FKBP14: variants seen among roughly 807,000 people sequenced by gnomAD.
The protein encoded by FKBP14 is FKBP prolyl isomerase 14, also known as peptidyl-prolyl cis-trans isomerase FKBP14.
In FKBP14, 20 loss-of-function variants were observed where a neutral mutation model predicts 21.6. The observed-to-expected ratio is 0.92, with a 90% confidence interval of 0.65 to 1.34. The LOEUF (loss-of-function observed/expected upper bound fraction) is 1.34. FKBP14 is among the 40% of genes most tolerant of loss of function. The pLI is 0.00. For missense variants in FKBP14, 253 were observed against 249.0 expected, an observed-to-expected ratio of 1.02 and a Z score of -0.11; for synonymous variants, 79 against 86.7, an observed-to-expected ratio of 0.91 and a Z score of 0.49.
chr7:30,026,453 CCAAT>C lies in FKBP14; in HGVS notation c.52_55del (p.Ile18GlyfsTer3), dbSNP rs775594340. The C allele has an allele frequency of 6.2e-7, 1 of 1,613,992 alleles. No individual in the cohort carries two copies. The highest frequency in any genetic ancestry group is 8.5e-7 in the Non-Finnish European group (1 of 1,179,934). ...CACTTCTGGTTCAGGGATCAAAGCC[CCAAT>C]CAAAGAAGTGACGAACAGAGTCAAG... On this transcript the variant is annotated frameshift_variant, in exon 1 of 4. Transcript: ENST00000222803. LOFTEE classifies it high-confidence loss of function.
chr7:30,011,806 G>A lies in FKBP14; in HGVS notation c.*2929C>T, dbSNP rs550759247. On this transcript the variant is annotated 3_prime_UTR_variant, in exon 4 of 4. Coordinates refer to ENST00000222803, the MANE Select transcript of FKBP14 (RefSeq NM_017946.4). ...TCTGGGCTCAAGCAATCCACCTGCT[G>A]AGGCAGCCTCCCAAAGTGCTAGGAT... 2.5e-4 allele frequency: 38 copies of A among 151,834 alleles called. No homozygotes were observed. The highest frequency in any genetic ancestry group is 8.2e-4 in the African/African-American group (34 of 41,402). 9.4% of individuals were successfully genotyped at this position (151,834 alleles called of 1,614,324 possible). A position where few individuals can be genotyped will look rare whatever the true frequency, so the allele number is the denominator to read the frequency against.
chr7:30,022,370 A>T (rs188325807), intron 2 of FKBP14: 1 of 197,844 alleles, frequency 5.1e-6, no homozygotes, highest in East Asian at 1.2e-4. Flanking sequence ...AATGGTTCAA[A>T]TGAAAAATTT....
chr7:30,008,593 T>C (rs1163383601), downstream of FKBP14, among the ~76,000 whole-genome samples: 1 of 150,498 alleles, frequency 6.6e-6, no homozygotes, highest in Non-Finnish European at 1.5e-5. Flanking sequence ...TGGTGGCATG[T>C]GTCTGTAGTC....
At chr7:30,015,476 A>G (rs1217075125) in intron 3 of FKBP14, among the ~76,000 whole-genome samples, 1 of 151,450 alleles carries the variant, frequency 6.6e-6, no homozygotes, top group Non-Finnish European at 1.5e-5. Context: ...CTCTATATAT[A>G]TATTGCTCAA....
chr7:30,019,244 A>C, intron 2 of FKBP14, 121 bp from the exon 3 acceptor site: 1 of 898,146 alleles, frequency 1.1e-6, no homozygotes, highest in Non-Finnish European at 1.6e-6. Flanking sequence ...TAAGATTGTC[A>C]TATATGATGA....
At chr7:30,017,125 C>G (rs1455020167) in intron 3 of FKBP14, among the ~76,000 whole-genome samples, 1 of 151,588 alleles carries the variant, frequency 6.6e-6, no homozygotes, top group Non-Finnish European at 1.5e-5. Flanking sequence ...ACTAATAAAA[C>G]TAAGCCGGGT....
rs1789750814 is a variant in FKBP14, at chr7:30,011,961, C to T, written c.*2774G>A. On this transcript the variant is annotated 3_prime_UTR_variant, in exon 4 of 4. Coordinates refer to ENST00000222803, the MANE Select transcript of FKBP14 (RefSeq NM_017946.4). ...GACACTTGCCATTGTGTTACAATTG[C>T]CTACATGATTCAGAACAGCAACATG... The T allele has an allele frequency of 6.6e-6, 1 of 152,132 alleles. No homozygotes were observed. Among genetic ancestry groups the T allele is most frequent in the East Asian group, 1.9e-4 (1 of 5,192 alleles). The allele number at this position is 152,132 out of a possible 1,614,324, so 9.4% of individuals were successfully genotyped here.
In FKBP14 at chr7:30,022,790, A is replaced by C. The variant is rs763688956; in HGVS notation, c.224T>G (p.Ile75Ser). 16 of 1,613,910 alleles carry C rather than the reference A, an allele frequency of 9.9e-6. No individual in the cohort carries two copies. Among genetic ancestry groups the C allele is most frequent in the Non-Finnish European group, 1.3e-5 (15 of 1,179,974 alleles). The change falls in exon 2 of 4, where the codon ATT becomes AGT. Residue 75 changes from isoleucine (I) to serine (S), a missense_variant. Coordinates refer to ENST00000222803, the MANE Select transcript of FKBP14 (RefSeq NM_017946.4). Reference sequence around the variant, plus strand: ...CTCCAGGATGCCCAGGGTAAACCAAATGGGCTGACCATTGTTATGTTTGTG... The same window carrying C: ...CTCCAGGATGCCCAGGGTAAACCAACTGGGCTGACCATTGTTATGTTTGTG... ...STHKHNNGQP[I>S]WFTLGILEAL...
At chr7:30,006,195 C>T (rs79591752), downstream of FKBP14, among the ~76,000 whole-genome samples, 1,533 of 147,964 alleles carry the variant, frequency 0.01, 30 homozygotes, top group African/African-American at 0.035. Context: ...GATCATAGCT[C>T]ACTTCAGCTT....
downstream of FKBP14, among the ~76,000 whole-genome samples, chr7:30,010,177 C>T (rs1330940939): frequency 1.3e-5 from 2 of 152,112 alleles, no homozygotes; most frequent in East Asian, 3.8e-4. Context: ...TTCGTTTAAT[C>T]AGAGGGTATT....
rs1789964659 is a variant in FKBP14 at position 30,019,097 on chromosome 7, T to C, written c.376A>G (p.Ile126Val). ...KGKIPPESTL[I>V]FNIDLLEIRN... ...ATCTCCAGGAGATCAATATTAAATA[T>C]CAGTGTACTTTCTGGGGGAATTTTA... The change falls in exon 3 of 4, where the codon ATA becomes GTA. Residue 126 changes from isoleucine (I) to valine (V), a missense_variant. By Grantham distance (29) the Ile-to-Val change is conservative. Transcript: ENST00000222803. The C allele has an allele frequency of 6.3e-7, 1 of 1,582,100 alleles. No homozygotes were observed. Among genetic ancestry groups the C allele is most frequent in the Non-Finnish European group, 8.5e-7 (1 of 1,170,552 alleles).
Position 30,014,642 on chromosome 7 carries a change from C to T in FKBP14, c.*93G>A. On this transcript the variant is annotated 3_prime_UTR_variant, in exon 4 of 4. Transcript: ENST00000222803. ...AAATATATAAAAATAAAAAACAAAG[C>T]AAGAAAGAACATTGTATAAAAATAA... 1 of 857,248 alleles carries T rather than the reference C, an allele frequency of 1.2e-6. No homozygotes were observed. 53.1% of individuals were successfully genotyped at this position (857,248 alleles called of 1,614,324 possible). A position where few individuals can be genotyped will look rare whatever the true frequency, so the allele number is the denominator to read the frequency against.
chr7:30,007,385 T>C (rs1789636716), downstream of FKBP14, among the ~76,000 whole-genome samples: 1 of 151,974 alleles, frequency 6.6e-6, no homozygotes, highest in Non-Finnish European at 1.5e-5. Context: ...AATTTTTGTA[T>C]TTTTAGTAGA....
chr7:30,020,166 AT>A, intron 2 of FKBP14: 2 of 988,110 alleles, frequency 2.0e-6, no homozygotes, highest in Non-Finnish European at 2.6e-6. Flanking sequence ...ATGAAAGAAC[AT>A]TCATAAATTC....
At chr7:30,015,775 G>C (rs1309698272) in intron 3 of FKBP14, among the ~76,000 whole-genome samples, 1 of 150,328 alleles carries the variant, frequency 6.7e-6, no homozygotes, top group Non-Finnish European at 1.5e-5. Context: ...ACAGGCGCCC[G>C]CCACCACGCC....
chr7:30,022,804 G>C lies in FKBP14; in HGVS notation c.210C>G (p.Asn70Lys). Reference protein sequence around the residue: ...GSLFHSTHKHNNGQPIWFTLG... With the variant: ...GSLFHSTHKHKNGQPIWFTLG... ...GGGTAAACCAAATGGGCTGACCATT[G>C]TTATGTTTGTGACTATGATAGAAAT... Residue 70 changes from asparagine to lysine, a missense_variant, in exon 2 of 4, where the codon AAC (asparagine) becomes AAG (lysine). Coordinates refer to ENST00000222803, the MANE Select transcript of FKBP14 (RefSeq NM_017946.4). The C allele has an allele frequency of 1.2e-6, 2 of 1,612,978 alleles. No homozygotes were observed. Among genetic ancestry groups the C allele is most frequent in the Non-Finnish European group, 1.7e-6 (2 of 1,179,698 alleles).
downstream of FKBP14, among the ~76,000 whole-genome samples, chr7:30,006,551 C>G (rs1402508710): frequency 6.6e-6 from 1 of 151,776 alleles, no homozygotes; most frequent in Non-Finnish European, 1.5e-5. Flanking sequence ...GTGCTCTTTT[C>G]CTTTTTCTGG....
intron 1 of FKBP14, among the ~76,000 whole-genome samples, 177 bp downstream of exon 1, chr7:30,026,135 G>A (rs534812521): frequency 6.6e-6 from 1 of 152,058 alleles, no homozygotes; most frequent in East Asian, 1.9e-4. Flanking sequence ...ACCTTCAAAG[G>A]CCTCGCTCGC....
downstream of FKBP14, among the ~76,000 whole-genome samples, chr7:30,009,985 C>T (rs898341343): frequency 1.3e-5 from 2 of 151,686 alleles, no homozygotes; most frequent in African/African-American, 2.4e-5. Flanking sequence ...GCAACAAGAG[C>T]GAAACTGTGT....
Sources: gnomAD v4.1 joint callset for allele counts (sites outside exome capture counted in the v4.1 genomes callset) on GRCh38, gnomAD v4.1.1 for gene constraint, MANE v1.5 for transcripts, NCBI Gene and HGNC (gene_info 2026-07-23, HGNC 2026-07-21) for gene names.